The following SOCS7 variants were observed in gnomAD, a reference collection of about 807,000 sequenced individuals.
SOCS7 encodes NAP-4.
Under a neutral mutation model 58.9 loss-of-function variants are expected in SOCS7, and 18 were observed. That is an observed-to-expected ratio of 0.31 (90% CI 0.21 to 0.45). The LOEUF is 0.45. Ranked by LOEUF, SOCS7 falls within the 20% of genes least tolerant of loss-of-function variation. SOCS7 has a pLI of 1.00. For synonymous variants in SOCS7, 388 were observed against 364.3 expected, an observed-to-expected ratio of 1.06 and a Z score of -0.74; for missense variants, 667 against 837.3, an observed-to-expected ratio of 0.80 and a Z score of 2.51.
At chr17:38,389,055 C>G (rs1334662654) in intron 7 of SOCS7, among the ~76,000 whole-genome samples, 4 of 152,106 alleles carry the variant, frequency 2.6e-5, no homozygotes, top group Non-Finnish European at 5.9e-5. Context: ...TGCCAGACTC[C>G]CAAAACAATT....
At chr17:38,376,384 G>A (rs950567069) in intron 6 of SOCS7, among the ~76,000 whole-genome samples, 7 of 152,100 alleles carry the variant, frequency 4.6e-5, no homozygotes, top group Non-Finnish European at 8.8e-5. Flanking sequence ...GTGCAGATGT[G>A]CAAACTCCAC....
intron 1 of SOCS7, among the ~76,000 whole-genome samples, chr17:38,358,973 TCTTCAGTGCTTGGC>T (rs1555567204): frequency 1.3e-5 from 2 of 152,178 alleles, no homozygotes; most frequent in East Asian, 3.8e-4. Context: ...GTCCTGCCGT[TCTTCAGTGCTTGGC>T]ACTGAAGAGA....
chr17:38,354,321 C>T (rs1158301656), intron 1 of SOCS7, among the ~76,000 whole-genome samples: 1 of 152,188 alleles, frequency 6.6e-6, no homozygotes, highest in Non-Finnish European at 1.5e-5. Flanking sequence ...GAACTAAGAT[C>T]ACTTGGGGAG....
At position 38,361,795 on chromosome 17, in the gene SOCS7, C is replaced by T; in HGVS notation, c.1045+20C>T. On this transcript the variant is annotated intron_variant, in intron 2 of 9. Transcript: ENST00000612932. ...TCACAGGTAAGGGTAATATCTTTCT[C>T]TCTTCTGACATCTGAAAACAGGGGC... The T allele has an allele frequency of 6.3e-7, 1 of 1,578,022 alleles. No homozygotes were observed.
rs1163722462 is a variant in SOCS7, at chr17:38,400,937, C to A, written c.*1455C>A. On this transcript the variant is annotated 3_prime_UTR_variant, in exon 10 of 10. Coordinates refer to ENST00000612932, the MANE Select transcript of SOCS7 (RefSeq NM_014598.4). ...CAGTGGAGCTGTTGGGTCTTCATGA[C>A]TCCTTTGCGTGTGTTCCATGGGACT... The A allele has an allele frequency of 1.1e-4, 16 of 152,224 alleles. No individual in the cohort carries two copies. The highest frequency in any genetic ancestry group is 1.0e-3 in the Admixed American group (16 of 15,280). 9.4% of individuals were successfully genotyped at this position (152,224 alleles called of 1,614,324 possible).
intron 6 of SOCS7, among the ~76,000 whole-genome samples, chr17:38,371,735 C>T (rs889762325): frequency 4.1e-5 from 6 of 147,488 alleles, no homozygotes; most frequent in Non-Finnish European, 8.9e-5. Context: ...GTATGAGCCA[C>T]TGTGCCTGGC....
rs778693667 is a variant in SOCS7, at chr17:38,364,852, C to G, written c.1146C>G (p.Leu382=). 2 of 1,612,008 alleles carry G rather than the reference C, an allele frequency of 1.2e-6. No individual in the cohort carries two copies. The highest frequency in any genetic ancestry group is 4.5e-5 in the East Asian group (2 of 44,856). ...PPPPPRRSLS[L]LDDISGTLPT... ...CTCCTCCGAGAAGAAGCCTCAGCCTCCTAGGTATAGTTTCTTCCCCTCTCC... is the reference window on the plus strand; with the variant it reads ...CTCCTCCGAGAAGAAGCCTCAGCCTGCTAGGTATAGTTTCTTCCCCTCTCC... The change falls in exon 3 of 10, where the codon CTC becomes CTG. Residue 382 remains leucine (L), a synonymous_variant. Coordinates refer to ENST00000612932, the MANE Select transcript of SOCS7 (RefSeq NM_014598.4).
chr17:38,361,629 C>G, intron 1 of SOCS7, 82 bp from the exon 2 acceptor site: 1 of 1,042,406 alleles, frequency 9.6e-7, no homozygotes. Flanking sequence ...CTCAGTGCAT[C>G]TGGAACTGAG....
chr17:38,387,565 A>AAT (rs1414002756), intron 7 of SOCS7, among the ~76,000 whole-genome samples: 1 of 130,552 alleles, frequency 7.7e-6, no homozygotes, highest in African/African-American at 3.3e-5. Flanking sequence ...CACAATACAT[A>AAT]ATATATATAC....
At chr17:38,383,599 C>T (rs1330723062) in intron 7 of SOCS7, among the ~76,000 whole-genome samples, 1 of 152,096 alleles carries the variant, frequency 6.6e-6, no homozygotes, top group Admixed American at 6.5e-5. Context: ...TTTGTTATGC[C>T]CAGGCTGGAG....
intron 7 of SOCS7, among the ~76,000 whole-genome samples, chr17:38,389,927 A>T (rs1183402044): frequency 9.7e-5 from 13 of 133,680 alleles, no homozygotes; most frequent in Non-Finnish European, 2.1e-4. Flanking sequence ...AGAGAGAGAG[A>T]GTGAGAGAGA....
intron 7 of SOCS7, among the ~76,000 whole-genome samples, chr17:38,381,325 A>G (rs993747384): frequency 5.3e-5 from 8 of 152,126 alleles, no homozygotes. Context: ...AAGGCATTAT[A>G]TAAGCTTGAT....
intron 9 of SOCS7, among the ~76,000 whole-genome samples, chr17:38,397,270 G>T (rs1417458622): frequency 1.3e-5 from 2 of 152,154 alleles, no homozygotes; most frequent in African/African-American, 4.8e-5. Context: ...TGGTTCCAGT[G>T]GGGAGCAAGT....
rs958659606 is a variant in SOCS7 at position 38,400,030 on chromosome 17, A to G, written c.*548A>G. On this transcript the variant is annotated 3_prime_UTR_variant, in exon 10 of 10. Coordinates refer to ENST00000612932, the MANE Select transcript of SOCS7 (RefSeq NM_014598.4). Reference sequence around the variant, plus strand: ...AAGGGGGAATCTGCCTCTTGTTGCCATGGGCAGCTGTTGTAGGAGCAGGAG... The same window carrying G: ...AAGGGGGAATCTGCCTCTTGTTGCCGTGGGCAGCTGTTGTAGGAGCAGGAG... The G allele has an allele frequency of 6.6e-6, 1 of 152,242 alleles. No homozygotes were observed. Among genetic ancestry groups the G allele is most frequent in the East Asian group, 1.9e-4 (1 of 5,192 alleles). 9.4% of individuals were successfully genotyped at this position (152,242 alleles called of 1,614,324 possible). A position where few individuals can be genotyped will look rare whatever the true frequency, so the allele number is the denominator to read the frequency against.
chr17:38,362,594 C>T (rs1034810841), intron 2 of SOCS7, among the ~76,000 whole-genome samples: 1 of 152,132 alleles, frequency 6.6e-6, no homozygotes, highest in South Asian at 2.1e-4. Context: ...GGAAGACTTA[C>T]GATTTGGGAA....
chr17:38,394,292 C>G (rs563982116), intron 7 of SOCS7, among the ~76,000 whole-genome samples: 123 of 152,268 alleles, frequency 8.1e-4, no homozygotes, highest in African/African-American at 2.8e-3. Context: ...CCTAGCTTGC[C>G]CAAGCGATTG....
Position 38,381,946 on chromosome 17 carries a change from CAAAAAAAAA to C in SOCS7, c.1681+4124_1681+4132del, listed in dbSNP as rs55949628. Among the ~76,000 whole-genome samples, 15 of 17,668 alleles carry C rather than the reference CAAAAAAAAA, an allele frequency of 8.5e-4. No individual in the cohort carries two copies. The South Asian group carries it at 0.019, about 22-fold the overall frequency. 11.6% of individuals were successfully genotyped at this position (17,668 alleles called of 152,430 possible). A position where few individuals can be genotyped will look rare whatever the true frequency, so the allele number is the denominator to read the frequency against. The stretch of plus-strand genomic sequence containing the variant: ...CCACTGCACTCCAAAGACTCTGTCT[CAAAAAAAAA>C]AAAAAAAAAAAAAAAAAAACCTAAA... On this transcript the variant is annotated intron_variant, in intron 7 of 9. Coordinates refer to ENST00000612932, the MANE Select transcript of SOCS7 (RefSeq NM_014598.4).
intron 7 of SOCS7, among the ~76,000 whole-genome samples, chr17:38,392,932 GTTTC>G (rs1483661794): frequency 1.3e-5 from 2 of 152,202 alleles, no homozygotes; most frequent in Admixed American, 1.3e-4. Flanking sequence ...GTGGGCCTCA[GTTTC>G]TTTATATGTG....
chr17:38,361,724 A>G lies in SOCS7; in HGVS notation c.994A>G (p.Thr332Ala), dbSNP rs868357356. The part of the protein sequence containing the change: ...ELDAGRKPKL[T>A]RTQSAFSPVS... Reference sequence around the variant, plus strand: ...CTCACTCCCTAGGAAACCCAAGTTGACAAGAACTCAAAGTGCCTTTTCTCC... The same window carrying G: ...CTCACTCCCTAGGAAACCCAAGTTGGCAAGAACTCAAAGTGCCTTTTCTCC... Residue 332 changes from threonine (T) to alanine (A), a missense_variant, in exon 2 of 10, where the codon ACA becomes GCA. Thr to Ala is a moderately conservative substitution (Grantham distance 58). Coordinates refer to ENST00000612932, the MANE Select transcript of SOCS7 (RefSeq NM_014598.4). 3.7e-6 allele frequency: 6 copies of G among 1,613,632 alleles called. No homozygotes were observed. The African/African-American group carries it at 6.7e-5, about 18-fold the overall frequency.
Sources: gnomAD v4.1 joint callset for allele counts (sites outside exome capture counted in the v4.1 genomes callset) on GRCh38, gnomAD v4.1.1 for gene constraint, MANE v1.5 for transcripts, NCBI Gene and HGNC (gene_info 2026-07-23, HGNC 2026-07-21) for gene names.